Variants in CCDC93 observed in about 807,000 individuals in gnomAD.
CCDC93 encodes the protein coiled-coil domain-containing protein 93.
A neutral mutation model predicts 108.2 loss-of-function variants in CCDC93; 61 were observed. The observed-to-expected ratio is 0.56, with a 90% CI of 0.46 to 0.70. The LOEUF (loss-of-function observed/expected upper bound fraction) is 0.70, where lower values mean the gene tolerates loss of function less well. CCDC93 is among the 30% of genes least tolerant of loss of function. The pLI, the probability that CCDC93 is intolerant of heterozygous loss-of-function variation, is 0.00. For missense variants in CCDC93, 685 were observed against 764.2 expected (o/e 0.90, Z 1.22); for synonymous variants, 276 against 260.4 (o/e 1.06, Z -0.58).
chr2:118,001,158 G>T, intron 3 of CCDC93: 1 of 401,186 alleles, frequency 2.5e-6, no homozygotes, highest in Non-Finnish European at 4.4e-6. Context: ...ATTCTATAAT[G>T]TTTTTCTTCC....
chr2:118,011,713 C>T (rs60388401), intron 1 of CCDC93, among the ~76,000 whole-genome samples: 38,957 of 152,076 alleles, frequency 0.26, 5,483 homozygotes, highest in East Asian at 0.4. Context: ...CAACACCTAT[C>T]TAATGGACAC....
intron 6 of CCDC93, among the ~76,000 whole-genome samples, chr2:117,986,902 ACATGGTGT>A (rs1680336961): frequency 6.6e-6 from 1 of 152,188 alleles, no homozygotes; most frequent in Non-Finnish European, 1.5e-5. Flanking sequence ...TAATCAACCT[ACATGGTGT>A]CAGTTACTGT....
At chr2:117,967,421 AGTGCC>A (rs1241768538) in intron 11 of CCDC93, among the ~76,000 whole-genome samples, 1 of 152,224 alleles carries the variant, frequency 6.6e-6, no homozygotes, top group Non-Finnish European at 1.5e-5. Flanking sequence ...ATGGTGTGTG[AGTGCC>A]TGGGCTGAGC....
At chr2:117,949,227 G>T in intron 14 of CCDC93, 95 bp downstream of exon 14, 2 of 840,290 alleles carry the variant, frequency 2.4e-6, no homozygotes, top group Non-Finnish European at 2.0e-6. Flanking sequence ...ATAGCCTTTG[G>T]CTGCTTTGTT....
rs1489316152 is a variant in CCDC93, at chr2:117,951,168, AAGAC to A, written c.1068+1201_1068+1204del. On this transcript the variant is annotated intron_variant, in intron 13 of 23. Coordinates refer to ENST00000376300, the MANE Select transcript of CCDC93 (RefSeq NM_019044.5). ...TTAATCTCTTTCAGATTATTATACA[AAGAC>A]AGATCCACGAATTGGCAAACTTCAT... The A allele has an allele frequency of 2.4e-5, 24 of 985,378 alleles. No individual in the cohort carries two copies. The East Asian group carries it at 1.6e-3, about 65-fold the overall frequency. 61.0% of individuals were successfully genotyped at this position (985,378 alleles called of 1,614,324 possible).
chr2:118,006,551 T>G (rs540652171), intron 3 of CCDC93, among the ~76,000 whole-genome samples, 171 bp downstream of exon 3: 1 of 152,368 alleles, frequency 6.6e-6, no homozygotes, highest in East Asian at 1.9e-4. Context: ...TCTAGCTGTG[T>G]GACCTTGGCT....
intron 19 of CCDC93, among the ~76,000 whole-genome samples, chr2:117,940,333 G>T (rs760914215): frequency 1.3e-5 from 2 of 152,170 alleles, no homozygotes; most frequent in Non-Finnish European, 2.9e-5. Context: ...ATTGGGTATT[G>T]AAGAATTTAG....
intron 21 of CCDC93, 48 bp downstream of exon 21, chr2:117,936,654 G>A: frequency 6.7e-7 from 1 of 1,498,606 alleles, no homozygotes; most frequent in African/African-American, 1.4e-5. Context: ...TGAATTCAAA[G>A]CGCAGGCCGG....
At chr2:117,971,158 T>C (rs568148243) in intron 11 of CCDC93, among the ~76,000 whole-genome samples, 77 of 151,464 alleles carry the variant, frequency 5.1e-4, no homozygotes, top group East Asian at 3.5e-3. Context: ...AGCCCAGGAG[T>C]TCAACACCAG....
At chr2:117,951,146 A>C (rs955564447) in intron 13 of CCDC93, 3 of 985,128 alleles carry the variant, frequency 3.0e-6, no homozygotes, top group Non-Finnish European at 3.6e-6. Context: ...TTTGCCTTTA[A>C]TCTCTTTCAG....
At chr2:117,990,674 G>C (rs1403966588) in intron 6 of CCDC93, among the ~76,000 whole-genome samples, 1 of 151,348 alleles carries the variant, frequency 6.6e-6, no homozygotes, top group African/African-American at 2.4e-5. Context: ...AGTTGAACTA[G>C]TTCCACACAA....
chr2:117,966,967 C>T (rs530529174), intron 11 of CCDC93, among the ~76,000 whole-genome samples: 4 of 152,292 alleles, frequency 2.6e-5, no homozygotes, highest in African/African-American at 9.6e-5. Flanking sequence ...AAGATGTTGA[C>T]ATTCTTCGGG....
chr2:117,996,339 T>G lies in CCDC93; in HGVS notation c.387A>C (p.Glu129Asp), dbSNP rs1223988540. 1 of 1,613,606 alleles carries G rather than the reference T, an allele frequency of 6.2e-7. No individual in the cohort carries two copies. Among genetic ancestry groups the G allele is most frequent in the Admixed American group, 1.7e-5 (1 of 60,020 alleles). ...TATAGTCACCCATCTCTTCTTTTGT[T>G]TCTATAGCTCGTTTCACCAGCCACT... ...VVQWLVKRAIETKEEMGDYIR... is the reference protein window; with the variant it reads ...VVQWLVKRAIDTKEEMGDYIR... The change falls in exon 5 of 24, where the codon GAA (glutamate) becomes GAC (aspartate). Residue 129 changes from glutamate to aspartate, a missense_variant. Transcript: ENST00000376300.
intron 11 of CCDC93, among the ~76,000 whole-genome samples, chr2:117,965,726 C>T (rs895810752): frequency 2.0e-5 from 3 of 152,064 alleles, no homozygotes; most frequent in Admixed American, 1.3e-4. Context: ...CCCCTCAGGG[C>T]CGCAACCCTG....
chr2:118,001,285 T>C, intron 3 of CCDC93: 1 of 170,280 alleles, frequency 5.9e-6, no homozygotes, highest in Non-Finnish European at 1.3e-5. Context: ...CGTATTCTTT[T>C]TACATTTCGT....
At chr2:117,921,969 T>A (rs1429764927) in intron 23 of CCDC93, among the ~76,000 whole-genome samples, 1 of 151,746 alleles carries the variant, frequency 6.6e-6, no homozygotes, top group Non-Finnish European at 1.5e-5. Context: ...GGGTTCCTTT[T>A]AAAAATGGCT....
At chr2:117,961,403 C>A (rs1679386510) in intron 11 of CCDC93, among the ~76,000 whole-genome samples, 2 of 152,092 alleles carry the variant, frequency 1.3e-5, no homozygotes, top group South Asian at 4.2e-4. Context: ...GCGCACAGTA[C>A]TTATAAACTT....
intron 23 of CCDC93, among the ~76,000 whole-genome samples, chr2:117,922,573 G>C (rs916055460): frequency 6.6e-6 from 1 of 152,100 alleles, no homozygotes; most frequent in East Asian, 1.9e-4. Context: ...ATTTAACGTG[G>C]GGTAAATCAA....
At chr2:117,943,467 G>C (rs907828621) in intron 18 of CCDC93, among the ~76,000 whole-genome samples, 4 of 152,188 alleles carry the variant, frequency 2.6e-5, no homozygotes, top group African/African-American at 9.7e-5. Flanking sequence ...GCCAGAGAGA[G>C]GGGAAAGGGG....
Sources: allele counts gnomAD v4.1 joint callset (sites outside exome capture counted in the v4.1 genomes callset), GRCh38; gene constraint gnomAD v4.1.1; transcripts MANE v1.5; gene names NCBI Gene and HGNC (gene_info 2026-07-23, HGNC 2026-07-21).